The following ZFPM1 variants were observed in gnomAD, a reference collection of about 807,000 sequenced individuals.
The protein encoded by ZFPM1 is zinc finger protein, FOG family member 1, also known as zinc finger protein ZFPM1.
ZFPM1 carries 28 observed loss-of-function variants against 46.3 expected under a neutral mutation model. The observed-to-expected ratio is 0.60, with a 90% CI of 0.45 to 0.83. ZFPM1 has a LOEUF of 0.83. Among genes scored for constraint, ZFPM1 ranks in the 40% least tolerant of loss-of-function variants. The probability of loss-of-function intolerance (pLI) is 0.00; values close to 1 mark genes in which losing one functional copy is unlikely to be tolerated. For missense variants in ZFPM1, 1,878 were observed against 1,432.4 expected, an observed-to-expected ratio of 1.31 and a Z score of -5.02; for synonymous variants, 957 against 675.9, an observed-to-expected ratio of 1.42 and a Z score of -6.45.
intron 3 of ZFPM1, among the ~76,000 whole-genome samples, chr16:88,508,957 G>A (rs1205591106): frequency 1.3e-5 from 2 of 152,300 alleles, no homozygotes; most frequent in East Asian, 1.9e-4. Flanking sequence ...CGCACGCGGC[G>A]CGTCATCGTG....
intron 1 of ZFPM1, among the ~76,000 whole-genome samples, chr16:88,485,378 G>A (rs1185678980): frequency 6.6e-6 from 1 of 152,110 alleles, no homozygotes; most frequent in Non-Finnish European, 1.5e-5. Context: ...AGGGTGGGCG[G>A]AGGCGACCCT....
chr16:88,534,006 C>A lies in ZFPM1; in HGVS notation c.2048C>A (p.Thr683Lys). Residue 683 changes from threonine to lysine, a missense_variant, in exon 10 of 10, where the codon ACG (threonine) becomes AAG (lysine). By Grantham distance (78) the Thr-to-Lys change is moderately conservative. Coordinates refer to ENST00000319555, the MANE Select transcript of ZFPM1 (RefSeq NM_153813.3). ...VDDAEDDPSR[T>K]LCEACNIRFS... ...GACGCGGAGGACGACCCCAGCCGCA[C>A]GCTGTGCGAGGCCTGCAACATCCGC... 1 of 1,368,552 alleles carries A rather than the reference C, an allele frequency of 7.3e-7. No individual in the cohort carries two copies. The highest frequency in any genetic ancestry group is 9.6e-7 in the Non-Finnish European group (1 of 1,044,768). The allele number at this position is 1,368,552 out of a possible 1,614,324, so 84.8% of individuals were successfully genotyped here. A position where few individuals can be genotyped will look rare whatever the true frequency, so the allele number is the denominator to read the frequency against.
chr16:88,463,026 C>T (rs748811396), intron 1 of ZFPM1, among the ~76,000 whole-genome samples: 2 of 152,152 alleles, frequency 1.3e-5, no homozygotes, highest in South Asian at 2.1e-4. Flanking sequence ...GCTGGCCTTG[C>T]GTGGGCCCAC....
intron 4 of ZFPM1, among the ~76,000 whole-genome samples, chr16:88,521,743 A>T (rs559431712): frequency 3.2e-4 from 4 of 12,690 alleles, no homozygotes; most frequent in African/African-American, 4.2e-4. Context: ...TGCTGTTCCC[A>T]CACCCTGTGC....
Position 88,533,614 on chromosome 16 carries a change from C to G in ZFPM1, c.1656C>G (p.Ser552Arg). Residue 552 changes from serine (S) to arginine (R), a missense_variant, in exon 10 of 10, where the codon AGC (serine) becomes AGG (arginine). Physicochemically the swap from Ser to Arg is moderately radical, Grantham distance 110 (BLOSUM62 -1). Coordinates refer to ENST00000319555, the MANE Select transcript of ZFPM1 (RefSeq NM_153813.3). ...ILAKMSELVH[S>R]RLQQGAGAGA... ...CCAAGATGTCCGAGCTGGTGCACAG[C>G]CGGCTGCAGCAGGGCGCGGGCGCGG... The G allele has an allele frequency of 6.8e-7, 1 of 1,479,760 alleles. No individual in the cohort carries two copies. The allele number at this position is 1,479,760 out of a possible 1,614,324, so 91.7% of individuals were successfully genotyped here. A position where few individuals can be genotyped will look rare whatever the true frequency, so the allele number is the denominator to read the frequency against.
chr16:88,529,328 C>G (rs1912599444), intron 6 of ZFPM1, among the ~76,000 whole-genome samples: 1 of 152,178 alleles, frequency 6.6e-6, no homozygotes, highest in African/African-American at 2.4e-5. Flanking sequence ...GCTTTGGTGA[C>G]CACAGAGTCA....
chr16:88,470,830 G>A (rs566628376), intron 1 of ZFPM1, among the ~76,000 whole-genome samples: 143 of 148,390 alleles, frequency 9.6e-4, no homozygotes, highest in African/African-American at 3.4e-3. Context: ...GATGTGGCAC[G>A]GTGTGGAGGG....
At chr16:88,487,381 A>G (rs1170120157) in intron 2 of ZFPM1, among the ~76,000 whole-genome samples, 3 of 152,214 alleles carry the variant, frequency 2.0e-5, no homozygotes, top group African/African-American at 7.2e-5. Context: ...TCCAACGTGG[A>G]GGGGATGTGG....
At chr16:88,477,840 A>G (rs566304183) in intron 1 of ZFPM1, among the ~76,000 whole-genome samples, 1 of 152,354 alleles carries the variant, frequency 6.6e-6, no homozygotes, top group East Asian at 1.9e-4. Flanking sequence ...GCAGCCACCT[A>G]CTTGAGCCTG....
intron 3 of ZFPM1, among the ~76,000 whole-genome samples, chr16:88,502,594 G>A (rs950626939): frequency 6.6e-6 from 1 of 152,212 alleles, no homozygotes; most frequent in Non-Finnish European, 1.5e-5. Flanking sequence ...CAGTGCTGCT[G>A]GAGGCAGTGG....
At position 88,453,353 on chromosome 16, in the gene ZFPM1, C is replaced by G. The variant is rs1907370549; in HGVS notation, c.-286C>G. 2 of 146,746 alleles carry G rather than the reference C, an allele frequency of 1.4e-5. No individual in the cohort carries two copies. Among genetic ancestry groups the G allele is most frequent in the Non-Finnish European group, 3.0e-5 (2 of 65,962 alleles). 9.1% of individuals were successfully genotyped at this position (146,746 alleles called of 1,614,324 possible). On this transcript the variant is annotated 5_prime_UTR_variant, in exon 1 of 10. Coordinates refer to ENST00000319555, the MANE Select transcript of ZFPM1 (RefSeq NM_153813.3). Reference sequence around the variant, plus strand: ...GCCCGCGGGTTCCATTGAGAAAAGCCGAGCGGCCGCGGCGGCGGCGGCGAG... The same window carrying G: ...GCCCGCGGGTTCCATTGAGAAAAGCGGAGCGGCCGCGGCGGCGGCGGCGAG...
intron 3 of ZFPM1, among the ~76,000 whole-genome samples, chr16:88,493,603 A>T (rs1239645646): frequency 4.7e-5 from 6 of 127,434 alleles, no homozygotes; most frequent in Non-Finnish European, 1.7e-5. Context: ...CGGGGTAGGG[A>T]GAGCTGTCCC....
intron 3 of ZFPM1, among the ~76,000 whole-genome samples, chr16:88,494,716 G>A (rs1003699329): frequency 2.0e-5 from 3 of 152,126 alleles, no homozygotes; most frequent in Non-Finnish European, 2.9e-5. Flanking sequence ...GCAGGAGTGC[G>A]GCCCGGTCAC....
upstream of ZFPM1, among the ~76,000 whole-genome samples, chr16:88,452,061 T>C (rs943175556): frequency 2.5e-4 from 38 of 151,994 alleles, no homozygotes; most frequent in Non-Finnish European, 4.1e-4. Flanking sequence ...TGTGCGATGA[T>C]CTCATCATCA....
At chr16:88,454,557 G>A (rs1008165156) in intron 1 of ZFPM1, among the ~76,000 whole-genome samples, 12 of 152,350 alleles carry the variant, frequency 7.9e-5, no homozygotes, top group African/African-American at 2.6e-4. Context: ...TCGCTGGTCC[G>A]GCTCCCTGCC....
At chr16:88,461,998 C>A (rs3903097) in intron 1 of ZFPM1, among the ~76,000 whole-genome samples, 4,966 of 152,354 alleles carry the variant, frequency 0.033, 272 homozygotes, top group African/African-American at 0.11. Context: ...GGCCACCAGC[C>A]CTACTGCATC....
intron 4 of ZFPM1, chr16:88,516,449 C>T (rs924054575): frequency 3.3e-5 from 13 of 398,002 alleles, no homozygotes; most frequent in Admixed American, 4.4e-5. Context: ...CCAGAGGAGC[C>T]GCTGGGGCTC....
chr16:88,452,764 C>A (rs117418029), upstream of ZFPM1, among the ~76,000 whole-genome samples: 1,076 of 151,386 alleles, frequency 7.1e-3, 11 homozygotes, highest in Non-Finnish European at 0.011. Flanking sequence ...GGCGGAGCCT[C>A]GGCGTCTCAG....
At position 88,533,312 on chromosome 16, in the gene ZFPM1, A is replaced by G. The variant is rs201703836; in HGVS notation, c.1354A>G (p.Ser452Gly). 6.5e-7 allele frequency: 1 copy of G among 1,531,790 alleles called. No homozygotes were observed. Among genetic ancestry groups the G allele is most frequent in the African/African-American group, 1.4e-5 (1 of 72,516 alleles). The allele number at this position is 1,531,790 out of a possible 1,614,324, so 94.9% of individuals were successfully genotyped here. ...GGAGCCTCTGGCCCAGAATGGAGGCAGCAGCGAGCCCCCGGCGGCCCCCAG... is the reference window on the plus strand; with the variant it reads ...GGAGCCTCTGGCCCAGAATGGAGGCGGCAGCGAGCCCCCGGCGGCCCCCAG... ...RAEPLAQNGGSSEPPAAPRSI... is the reference protein window; with the variant it reads ...RAEPLAQNGGGSEPPAAPRSI... Residue 452 changes from serine to glycine, a missense_variant, in exon 10 of 10, where the codon AGC (serine) becomes GGC (glycine). Coordinates refer to ENST00000319555, the MANE Select transcript of ZFPM1 (RefSeq NM_153813.3).
Sources: allele counts gnomAD v4.1 joint callset (sites outside exome capture counted in the v4.1 genomes callset), GRCh38; gene constraint gnomAD v4.1.1; transcripts MANE v1.5; gene names NCBI Gene and HGNC (gene_info 2026-07-23, HGNC 2026-07-21).